The following PCDHA5 variants were observed in gnomAD, a reference collection of about 807,000 sequenced individuals.
PCDHA5 encodes protocadherin alpha-5.
PCDHA5 carries 43 observed loss-of-function variants against 61.6 expected under a neutral mutation model. The observed-to-expected ratio is 0.70, with a 90% CI of 0.55 to 0.90. PCDHA5 has a LOEUF of 0.90. Among genes scored for constraint, PCDHA5 ranks in the 40% least tolerant of loss-of-function variants. The pLI is 0.00. For missense variants in PCDHA5, 1,298 were observed against 1,222.7 expected (o/e 1.06, Z -0.92); for synonymous variants, 627 against 543.9 (o/e 1.15, Z -2.13).
At chr5:140,967,555 C>G (rs782586326) in intron 1 of PCDHA5, 3 of 1,614,008 alleles carry the variant, frequency 1.9e-6, no homozygotes, top group Non-Finnish European at 2.5e-6. Context: ...CCACTTATCG[C>G]GTCCAGCTAC....
At chr5:140,953,227 G>A (rs269546) in intron 1 of PCDHA5, among the ~76,000 whole-genome samples, 34,007 of 151,960 alleles carry the variant, frequency 0.22, 4,902 homozygotes, top group African/African-American at 0.41. Flanking sequence ...GCTTCTGCTT[G>A]GTAGCAGTTC....
intron 1 of PCDHA5, among the ~76,000 whole-genome samples, chr5:140,958,077 A>C (rs2095408004): frequency 1.3e-5 from 2 of 152,124 alleles, no homozygotes; most frequent in African/African-American, 4.8e-5. Context: ...AGAAGCAAAA[A>C]GTAAAGTTGT....
intron 1 of PCDHA5, among the ~76,000 whole-genome samples, chr5:140,905,634 C>T (rs1554192107): frequency 6.6e-6 from 1 of 152,168 alleles, no homozygotes; most frequent in African/African-American, 2.4e-5. Context: ...ACAGTATGGT[C>T]AGTTTCACAG....
intron 1 of PCDHA5, chr5:140,850,611 G>C (rs1353719119): frequency 6.3e-7 from 1 of 1,598,588 alleles, no homozygotes; most frequent in Non-Finnish European, 8.6e-7. Flanking sequence ...CGCCATCTGC[G>C]CGGTGTCTAG....
Position 140,978,951 on chromosome 5 carries a change from A to G in PCDHA5, c.2355A>G (p.Pro785=). Residue 785 remains proline, a splice_region_variant and synonymous_variant, in exon 2 of 4, where the codon CCA becomes CCG. Coordinates refer to ENST00000529859, the MANE Select transcript of PCDHA5 (RefSeq NM_018908.3). ...LPQGPTSTDN[P]RQPNPDWRYS... ...AAACTCTCTTTGTGATTTTGCAGCC[A>G]CGACAGCCCAACCCTGACTGGCGTT... is the stretch of plus-strand genomic sequence containing the variant. 1.2e-6 allele frequency: 2 copies of G among 1,614,182 alleles called. No homozygotes were observed. The highest frequency in any genetic ancestry group is 1.7e-6 in the Non-Finnish European group (2 of 1,180,032).
At chr5:140,862,364 C>T in intron 1 of PCDHA5, 1 of 339,652 alleles carries the variant, frequency 2.9e-6, no homozygotes, top group Non-Finnish European at 5.8e-6. Flanking sequence ...ACAGACGACC[C>T]GCACCCTGAC....
At chr5:140,869,038 C>A in intron 1 of PCDHA5, 1 of 1,528,506 alleles carries the variant, frequency 6.5e-7, no homozygotes, top group South Asian at 1.3e-5. Context: ...GATTTTTAAC[C>A]TGAAACTGAA....
At chr5:140,941,381 A>G (rs2093056743) in intron 1 of PCDHA5, among the ~76,000 whole-genome samples, 1 of 128,140 alleles carries the variant, frequency 7.8e-6, no homozygotes, top group Non-Finnish European at 1.6e-5. Context: ...TAGTGACAGG[A>G]TTTTGGCTCA....
At chr5:140,942,867 C>T (rs1023164811) in intron 1 of PCDHA5, among the ~76,000 whole-genome samples, 5 of 151,858 alleles carry the variant, frequency 3.3e-5, no homozygotes, top group Admixed American at 1.3e-4. Context: ...TTTGCTTTAG[C>T]ATGACAACTT....
At chr5:140,858,475 G>A in intron 1 of PCDHA5, 1 of 1,517,006 alleles carries the variant, frequency 6.6e-7, no homozygotes, top group Non-Finnish European at 9.0e-7. Flanking sequence ...TGTGCTTTAT[G>A]AATAATATTT....
intron 1 of PCDHA5, chr5:140,856,463 C>T (rs782279735): frequency 1.3e-6 from 2 of 1,598,356 alleles, no homozygotes; most frequent in Admixed American, 3.4e-5. Context: ...AGAACAAAAG[C>T]TCTCAATACC....
At position 140,848,602 on chromosome 5, in the gene PCDHA5, C is replaced by T. The variant is rs140949600; in HGVS notation, c.2352+24475C>T. 50 of 1,593,476 alleles carry T rather than the reference C, an allele frequency of 3.1e-5. 3 individuals carry two copies. The African/African-American group carries it at 6.1e-4, about 19-fold the overall frequency. On this transcript the variant is annotated intron_variant, in intron 1 of 3. Transcript: ENST00000529859. ...AGCGGCCAGCTCCACTACTCCGTCC[C>T]GGAGGAAGCCGAACACGGCACCTTC...
At chr5:140,861,738 T>C (rs1554155173) in intron 1 of PCDHA5, 1 of 160,806 alleles carries the variant, frequency 6.2e-6, no homozygotes, top group African/African-American at 2.5e-5. Context: ...ACTTACATAC[T>C]GTGCCGCAAT....
At chr5:140,916,399 C>G (rs1421171065) in intron 1 of PCDHA5, among the ~76,000 whole-genome samples, 2 of 152,168 alleles carry the variant, frequency 1.3e-5, no homozygotes, top group African/African-American at 4.8e-5. Context: ...TGTGCTGGAT[C>G]ACACCTGAAG....
intron 1 of PCDHA5, among the ~76,000 whole-genome samples, chr5:140,926,141 A>G (rs2082938262): frequency 6.6e-6 from 1 of 152,038 alleles, no homozygotes; most frequent in Non-Finnish European, 1.5e-5. Flanking sequence ...AGCAGGATCC[A>G]GCGCGGAAAG....
At chr5:140,941,221 T>TTCTTTCTTTCTTTCTTTCTTTCTC (rs2092905955) in intron 1 of PCDHA5, among the ~76,000 whole-genome samples, 1 of 131,536 alleles carries the variant, frequency 7.6e-6, no homozygotes, top group Admixed American at 7.9e-5. Context: ...CTTCCTTTCT[T>TTCTTTCTTTCTTTCTTTCTTTCTC]TCTTTCTTTC....
chr5:140,849,842 C>G, intron 1 of PCDHA5: 1 of 1,598,534 alleles, frequency 6.3e-7, no homozygotes, highest in Non-Finnish European at 8.6e-7. Flanking sequence ...CCGACGTGAA[C>G]GACAACGCAC....
At chr5:140,862,566 T>G in intron 1 of PCDHA5, 4 of 478,186 alleles carry the variant, frequency 8.4e-6, no homozygotes, top group South Asian at 4.9e-5. Context: ...TGAACCACAA[T>G]GCCCTGGCGT....
intron 1 of PCDHA5, chr5:140,869,974 T>G: frequency 6.2e-7 from 1 of 1,613,252 alleles, no homozygotes; most frequent in Non-Finnish European, 8.5e-7. Context: ...TGGAAGACAC[T>G]TATTTACACT....
Sources: allele counts gnomAD v4.1 joint callset (sites outside exome capture counted in the v4.1 genomes callset), GRCh38; gene constraint gnomAD v4.1.1; transcripts MANE v1.5; gene names NCBI Gene and HGNC (gene_info 2026-07-23, HGNC 2026-07-21).